Variants in ZNF444 observed in about 807,000 individuals in gnomAD.
ZNF444 encodes the protein endothelial zinc finger protein 2.
In ZNF444, 8 loss-of-function variants were observed where a neutral mutation model predicts 14.4. The observed-to-expected ratio is 0.56, with a 90% CI of 0.33 to 1.00. The LOEUF (loss-of-function observed/expected upper bound fraction) is 1.00. Ranked by LOEUF, ZNF444 falls within the 50% of genes least tolerant of loss-of-function variation. ZNF444 has a pLI of 0.03. For synonymous variants in ZNF444, 258 were observed against 235.9 expected, an observed-to-expected ratio of 1.09 and a Z score of -0.86; for missense variants, 510 against 504.8, an observed-to-expected ratio of 1.01 and a Z score of -0.10.
chr19:56,156,961 A>C (rs910024619), intron 3 of ZNF444: 1 of 152,220 alleles, frequency 6.6e-6, no homozygotes, highest in African/African-American at 2.4e-5. Flanking sequence ...TCTGTGCCCA[A>C]GATCTCTGGG....
rs140564533 is a variant in ZNF444, at chr19:56,144,274, G to A, written c.-196-1973G>A. Among the ~76,000 whole-genome samples, 161 of 151,974 alleles carry A rather than the reference G, an allele frequency of 1.1e-3. No individual in the cohort carries two copies. Among genetic ancestry groups the A allele is most frequent in the African/African-American group, 3.6e-3 (148 of 41,422 alleles). ...CAATGAGCCGAGAGGTCATGCCACC[G>A]CTCCAGCCTGGGCGACAGAGAGAGA... On this transcript the variant is annotated intron_variant, in intron 1 of 4. Coordinates refer to ENST00000337080, the MANE Select transcript of ZNF444 (RefSeq NM_018337.4). The surrounding 1 kb of genome is among the most constrained non-coding windows in gnomAD (Gnocchi z 4.0).
intron 3 of ZNF444, among the ~76,000 whole-genome samples, chr19:56,150,695 A>G (rs1226502716): frequency 6.6e-6 from 1 of 152,248 alleles, no homozygotes; most frequent in African/African-American, 2.4e-5. Context: ...AGCCTGGGCG[A>G]TAGCCATTGT....
In ZNF444 at chr19:56,160,021, C is replaced by G. The variant is rs755748360; in HGVS notation, c.804C>G (p.His268Gln). ...ACTGGCGCGAGCACCTGGTGCGCCACCGCAAGACGCACTCGGGAGCGCGGC... is the reference window on the plus strand; with the variant it reads ...ACTGGCGCGAGCACCTGGTGCGCCAGCGCAAGACGCACTCGGGAGCGCGGC... ...TFYWREHLVR[H>Q]RKTHSGARPF... Residue 268 changes from histidine (H) to glutamine (Q), a missense_variant, in exon 5 of 5, where the codon CAC becomes CAG. Physicochemically the swap from His to Gln is conservative, Grantham distance 24. Transcript: ENST00000337080. 1 of 1,512,440 alleles carries G rather than the reference C, an allele frequency of 6.6e-7. No homozygotes were observed. The highest frequency in any genetic ancestry group is 1.2e-5 in the South Asian group (1 of 82,286). 93.7% of individuals were successfully genotyped at this position (1,512,440 alleles called of 1,614,324 possible).
intron 1 of ZNF444, among the ~76,000 whole-genome samples, chr19:56,143,971 G>A (rs546403214): frequency 7.9e-5 from 12 of 152,116 alleles, no homozygotes; most frequent in Non-Finnish European, 1.8e-4. Context: ...CAGCACAGGT[G>A]CAGAGGCCCT....
intron 1 of ZNF444, among the ~76,000 whole-genome samples, chr19:56,134,263 T>C (rs999506720): frequency 2.6e-5 from 4 of 152,126 alleles, no homozygotes; most frequent in African/African-American, 7.2e-5. Flanking sequence ...ATAGCAGAGC[T>C]ACAAAGGAGC....
chr19:56,137,637 A>G (rs2030642303), upstream of ZNF444, among the ~76,000 whole-genome samples: 1 of 152,140 alleles, frequency 6.6e-6, no homozygotes, highest in South Asian at 2.1e-4. Flanking sequence ...CTGCCTGCCA[A>G]GCTGTGTGCC....
chr19:56,132,644 G>A (rs1196206827), exon 1 of ZNF444: 1 of 152,292 alleles, frequency 6.6e-6, no homozygotes, highest in East Asian at 1.9e-4. Flanking sequence ...TCTCCAGAGA[G>A]TAAAGGGCTG....
intron 3 of ZNF444, chr19:56,155,591 C>G (rs1044633567): frequency 6.6e-6 from 1 of 152,534 alleles, no homozygotes; most frequent in African/African-American, 2.4e-5. Context: ...CTGAGCCTCA[C>G]TGCACAGCAG....
chr19:56,147,145 C>T lies in ZNF444; in HGVS notation c.234C>T (p.Ala78=). Residue 78 remains alanine, a synonymous_variant, in exon 3 of 5, where the codon GCC becomes GCT. Coordinates refer to ENST00000337080, the MANE Select transcript of ZNF444 (RefSeq NM_018337.4). This position sits in a 1 kb window ranked among gnomAD's most constrained non-coding sequence, Gnocchi z 5.9. The part of the protein sequence containing the change: ...FLSALPADTQ[A]WVCSRQPQSG... ...GCGCGCTGCCCGCCGACACGCAGGCCTGGGTGTGCAGCCGGCAGCCGCAGA... is the reference window on the plus strand; with the variant it reads ...GCGCGCTGCCCGCCGACACGCAGGCTTGGGTGTGCAGCCGGCAGCCGCAGA... 1 of 1,533,374 alleles carries T rather than the reference C, an allele frequency of 6.5e-7. No homozygotes were observed. The highest frequency in any genetic ancestry group is 8.7e-7 in the Non-Finnish European group (1 of 1,146,068). 95.0% of individuals were successfully genotyped at this position (1,533,374 alleles called of 1,614,324 possible). A position where few individuals can be genotyped will look rare whatever the true frequency, so the allele number is the denominator to read the frequency against.
At chr19:56,156,278 C>T (rs370673917) in intron 3 of ZNF444, 1 of 152,236 alleles carries the variant, frequency 6.6e-6, no homozygotes, top group African/African-American at 2.4e-5. Context: ...TCTCTGGAAG[C>T]TCCCTGAACC....
chr19:56,140,834 G>C (rs1206338288), upstream of ZNF444: 1 of 152,070 alleles, frequency 6.6e-6, no homozygotes, highest in Non-Finnish European at 1.5e-5. Context: ...GGCGGTGCCC[G>C]GCCTCCCCTG....
rs1293594618 is a variant in ZNF444 at position 56,160,888 on chromosome 19, C to T, written c.*687C>T. ...GAGTAATAAAGTCACTGTGTGTAGA[C>T]CCGGAGTCTGAGCTCTGTCTGGAGT... is the stretch of plus-strand genomic sequence containing the variant. On this transcript the variant is annotated 3_prime_UTR_variant, in exon 5 of 5. Coordinates refer to ENST00000337080, the MANE Select transcript of ZNF444 (RefSeq NM_018337.4). 6.6e-6 allele frequency: 1 copy of T among 151,790 alleles called. No homozygotes were observed. The highest frequency in any genetic ancestry group is 1.5e-5 in the Non-Finnish European group (1 of 67,846). The allele number at this position is 151,790 out of a possible 1,614,324, so 9.4% of individuals were successfully genotyped here. A position where few individuals can be genotyped will look rare whatever the true frequency, so the allele number is the denominator to read the frequency against.
chr19:56,143,553 A>G (rs274184), intron 1 of ZNF444: 42,945 of 152,028 alleles, frequency 0.28, 7,568 homozygotes, highest in East Asian at 0.61. Flanking sequence ...GTGGATGTGC[A>G]AGTCCAGGCT....
At position 56,145,020 on chromosome 19, in the gene ZNF444, C is replaced by G. The variant is rs988010644; in HGVS notation, c.-196-1227C>G. 6.6e-6 allele frequency among the ~76,000 whole-genome samples: 1 copy of G among 152,250 alleles called. No homozygotes were observed. The highest frequency in any genetic ancestry group is 1.5e-5 in the Non-Finnish European group (1 of 68,050). ...GGCCACCCAGGCCCTGTCACAGCCA[C>G]TCGGTAGCTCCAAGGCGGCCGTGGA... On this transcript the variant is annotated intron_variant, in intron 1 of 4. Coordinates refer to ENST00000337080, the MANE Select transcript of ZNF444 (RefSeq NM_018337.4). The surrounding 1 kb of genome is among the most constrained non-coding windows in gnomAD (Gnocchi z 4.3).
At chr19:56,146,556 G>C (rs1427480598) in intron 2 of ZNF444, 136 bp downstream of exon 2, 1 of 188,822 alleles carries the variant, frequency 5.3e-6, no homozygotes, top group Non-Finnish European at 1.1e-5. Context: ...TTGGGAGGCC[G>C]AGGTGGGCGG....
chr19:56,156,085 C>T (rs754049732), intron 3 of ZNF444: 7 of 152,194 alleles, frequency 4.6e-5, no homozygotes, highest in African/African-American at 7.2e-5. Context: ...ACATGTTTAC[C>T]GATTTATTGT....
intron 3 of ZNF444, chr19:56,149,917 C>T (rs2031471350): frequency 1.3e-5 from 2 of 156,266 alleles, no homozygotes; most frequent in Admixed American, 6.3e-5. Context: ...GGAGAGTTTC[C>T]CCATGTCAGT....
In ZNF444 at chr19:56,152,302, A is replaced by C. The variant is rs939407946; in HGVS notation, c.297+5094A>C. Among the ~76,000 whole-genome samples the C allele has an allele frequency of 5.3e-5, 8 of 150,502 alleles. No individual in the cohort carries two copies. The South Asian group carries it at 1.1e-3, about 20-fold the overall frequency. On this transcript the variant is annotated intron_variant, in intron 3 of 4. Coordinates refer to ENST00000337080, the MANE Select transcript of ZNF444 (RefSeq NM_018337.4). ...AACCAGGACTGCACCACCGCACTCC[A>C]GCCTGGGCGACAGAGTGAGACTCTG...
intron 2 of ZNF444, 103 bp from the exon 3 acceptor site, chr19:56,146,787 A>G (rs2031212053): frequency 2.0e-6 from 2 of 988,430 alleles, no homozygotes; most frequent in Non-Finnish European, 2.6e-6. Context: ...ACTCCGTCTC[A>G]AAAAATAAAA....
Sources: gnomAD v4.1 joint callset for allele counts (sites outside exome capture counted in the v4.1 genomes callset) on GRCh38, gnomAD v4.1.1 for gene constraint, Gnocchi (gnomAD v3.1) non-coding constraint, MANE v1.5 for transcripts, NCBI Gene and HGNC (gene_info 2026-07-23, HGNC 2026-07-21) for gene names.